PACRG: variants seen among roughly 807,000 people sequenced by gnomAD.
PACRG encodes the protein parkin coregulated.
PACRG carries 29 observed loss-of-function variants against 29.7 expected under a neutral mutation model. The observed-to-expected ratio is 0.98, with a 90% CI of 0.73 to 1.33. The LOEUF (loss-of-function observed/expected upper bound fraction) is 1.33. PACRG is among the 40% of genes most tolerant of loss of function. The pLI is 0.00. For missense variants in PACRG, 279 were observed against 316.2 expected, an observed-to-expected ratio of 0.88 and a Z score of 0.89; for synonymous variants, 116 against 118.7, an observed-to-expected ratio of 0.98 and a Z score of 0.15.
At chr6:162,773,083 A>G (rs1255881212) in intron 1 of PACRG, among the ~76,000 whole-genome samples, 1 of 152,174 alleles carries the variant, frequency 6.6e-6, no homozygotes, top group Admixed American at 6.5e-5. Flanking sequence ...CTGGTATGGT[A>G]GGGGTGAAAG....
chr6:162,743,824 A>G (rs1345944453), intron 1 of PACRG, among the ~76,000 whole-genome samples: 3 of 152,096 alleles, frequency 2.0e-5, no homozygotes, highest in Non-Finnish European at 2.9e-5. Context: ...CATTTTCCTC[A>G]TGCTAAGGAA....
In PACRG at chr6:162,911,258, T is replaced by C. The variant is rs1796281127; in HGVS notation, c.291+96977T>C. On this transcript the variant is annotated intron_variant, in intron 2 of 4. Coordinates refer to ENST00000366888, the MANE Select transcript of PACRG (RefSeq NM_001080379.2). ...GCACAATAAATTGTGCTCTGTTGTT[T>C]ATAGATGGAAGATTGTACCACTCAG... Among the ~76,000 whole-genome samples the C allele has an allele frequency of 2.0e-5, 3 of 152,212 alleles. No individual in the cohort carries two copies. The South Asian group carries it at 6.2e-4, about 31-fold the overall frequency.
chr6:162,788,294 C>G (rs1784669909), intron 1 of PACRG, among the ~76,000 whole-genome samples: 1 of 152,144 alleles, frequency 6.6e-6, no homozygotes, highest in Non-Finnish European at 1.5e-5. Flanking sequence ...CATCTTTCAG[C>G]TAGTCATATG....
intron 1 of PACRG, among the ~76,000 whole-genome samples, chr6:162,802,156 C>G (rs1785931116): frequency 6.6e-6 from 1 of 152,126 alleles, no homozygotes; most frequent in African/African-American, 2.4e-5. Context: ...GTATTTTTAT[C>G]TCTTCTCCTA....
At chr6:162,893,198 C>G (rs1322616104) in intron 2 of PACRG, among the ~76,000 whole-genome samples, 1 of 152,136 alleles carries the variant, frequency 6.6e-6, no homozygotes. Context: ...ATTACAAGCA[C>G]CTTAACTGAC....
At chr6:163,187,512 G>T (rs936730595) in intron 4 of PACRG, among the ~76,000 whole-genome samples, 7 of 152,198 alleles carry the variant, frequency 4.6e-5, no homozygotes, top group East Asian at 1.9e-4. Context: ...CTTCATCATG[G>T]TGCTGCAACG....
intron 2 of PACRG, among the ~76,000 whole-genome samples, chr6:162,915,855 G>A (rs1388594652): frequency 6.6e-6 from 1 of 151,968 alleles, no homozygotes; most frequent in Non-Finnish European, 1.5e-5. Flanking sequence ...GTTGTGATAT[G>A]GGCTATATCT....
In PACRG at chr6:163,312,500, G is replaced by A. The variant is rs576061330; in HGVS notation, c.614-2327G>A. Reference sequence around the variant, plus strand: ...CTCTCAATCCAACTCAAAGTCCTTCGTGGAAGGCTCCCCACAAGCGGAGCC... The same window carrying A: ...CTCTCAATCCAACTCAAAGTCCTTCATGGAAGGCTCCCCACAAGCGGAGCC... On this transcript the variant is annotated intron_variant, in intron 4 of 4. Transcript: ENST00000366888. Among the ~76,000 whole-genome samples the A allele has an allele frequency of 2.7e-4, 40 of 149,174 alleles. 3 individuals are homozygous for A. The South Asian group carries it at 8.3e-3, about 31-fold the overall frequency.
intron 4 of PACRG, among the ~76,000 whole-genome samples, chr6:163,166,612 A>G (rs546453874): frequency 1.3e-5 from 2 of 152,248 alleles, no homozygotes; most frequent in Non-Finnish European, 2.9e-5. Flanking sequence ...TAATTAAATC[A>G]TATGGAAAAA....
intron 4 of PACRG, among the ~76,000 whole-genome samples, chr6:163,129,595 A>G (rs1387051157): frequency 2.0e-5 from 3 of 152,216 alleles, no homozygotes; most frequent in Non-Finnish European, 4.4e-5. Context: ...CTCTGTGTCC[A>G]GTGGCCGCCC....
intron 2 of PACRG, among the ~76,000 whole-genome samples, chr6:163,035,781 C>T (rs1184441294): frequency 2.2e-5 from 3 of 135,006 alleles, no homozygotes; most frequent in Admixed American, 1.7e-4. Context: ...CATTGCACTC[C>T]AGCCTGGGTG....
At position 163,100,401 on chromosome 6, in the gene PACRG, G is replaced by A. The variant is rs1247199085; in HGVS notation, c.613+10993G>A. On this transcript the variant is annotated intron_variant, in intron 4 of 4. Coordinates refer to ENST00000366888, the MANE Select transcript of PACRG (RefSeq NM_001080379.2). ...CTTTCCATTCTGCACCGCAGGGAAGGCCCAGGCGTCGCGCGGCCAGCCCCT... is the reference window on the plus strand; with the variant it reads ...CTTTCCATTCTGCACCGCAGGGAAGACCCAGGCGTCGCGCGGCCAGCCCCT... 9.2e-5 allele frequency among the ~76,000 whole-genome samples: 14 copies of A among 152,306 alleles called. No homozygotes were observed. The East Asian group carries it at 2.7e-3, about 29-fold the overall frequency.
chr6:163,184,482 G>A (rs1268855460), intron 4 of PACRG, among the ~76,000 whole-genome samples: 1 of 152,134 alleles, frequency 6.6e-6, no homozygotes, highest in Non-Finnish European at 1.5e-5. Flanking sequence ...AGAAAAAAGC[G>A]GTGCCTAAAT....
Position 163,043,372 on chromosome 6 carries a change from A to G in PACRG, c.292-18778A>G, listed in dbSNP as rs956459185. ...GGAGTTTGAGACCAACCTGGCCAAC[A>G]TGACAAAACCCCATCTCTACCAAAA... On this transcript the variant is annotated intron_variant, in intron 2 of 4. Transcript: ENST00000366888. 2.0e-5 allele frequency among the ~76,000 whole-genome samples: 3 copies of G among 152,314 alleles called. No individual in the cohort carries two copies. In the East Asian group the frequency reaches 5.8e-4, roughly 29 times the overall value.
intron 4 of PACRG, among the ~76,000 whole-genome samples, chr6:163,193,576 C>T (rs1780314993): frequency 6.6e-6 from 1 of 152,056 alleles, no homozygotes; most frequent in African/African-American, 2.4e-5. Flanking sequence ...ATGGTGGCCT[C>T]CTGAGAACTG....
intron 3 of PACRG, among the ~76,000 whole-genome samples, chr6:163,079,914 T>TTTG: frequency 6.8e-6 from 1 of 146,710 alleles, no homozygotes; most frequent in Non-Finnish European, 1.5e-5. Context: ...TTTTTTTTTT[T>TTTG]TGAGATGGAG....
intron 4 of PACRG, among the ~76,000 whole-genome samples, chr6:163,312,518 G>A (rs1165421595): frequency 7.0e-6 from 1 of 142,144 alleles, no homozygotes; most frequent in East Asian, 2.8e-4. Context: ...CTCCCCACAA[G>A]CGGAGCCACC....
At chr6:162,787,618 ATATG>A (rs1784608510) in intron 1 of PACRG, among the ~76,000 whole-genome samples, 1 of 125,142 alleles carries the variant, frequency 8.0e-6, no homozygotes, top group Admixed American at 8.3e-5. Flanking sequence ...ATATATATAT[ATATG>A]GTTGTCCTCT....
intron 2 of PACRG, among the ~76,000 whole-genome samples, chr6:163,012,562 C>A (rs774853102): frequency 9.9e-5 from 15 of 152,256 alleles, no homozygotes; most frequent in Non-Finnish European, 2.1e-4. Context: ...ATAGCCCTGG[C>A]AGGTGCTTTC....
Sources: gnomAD v4.1 joint callset for allele counts (sites outside exome capture counted in the v4.1 genomes callset) on GRCh38, gnomAD v4.1.1 for gene constraint, MANE v1.5 for transcripts, NCBI Gene and HGNC (gene_info 2026-07-23, HGNC 2026-07-21) for gene names.